RHBDD1: variants seen among roughly 807,000 people sequenced by gnomAD.
RHBDD1 encodes rhomboid-related protein 4.
RHBDD1 carries 38 observed loss-of-function variants against 36.3 expected under a neutral mutation model. The ratio of observed to expected loss-of-function variants is 1.05; its 90% confidence interval spans 0.81 to 1.37. The LOEUF is 1.37. Among genes scored for constraint, RHBDD1 ranks in the 40% most tolerant of loss-of-function variants. The pLI is 0.00. For missense variants in RHBDD1, 393 were observed against 377.6 expected (o/e 1.04, Z -0.34); for synonymous variants, 151 against 136.5 (o/e 1.11, Z -0.74).
intron 5 of RHBDD1, among the ~76,000 whole-genome samples, chr2:226,899,238 G>A (rs754643406): frequency 3.3e-5 from 5 of 152,160 alleles, no homozygotes; most frequent in Non-Finnish European, 7.3e-5. Context: ...CTGTCTGTTG[G>A]TGTTAATAAT....
At chr2:226,924,267 A>T (rs1162368559) in intron 8 of RHBDD1, among the ~76,000 whole-genome samples, 1 of 152,114 alleles carries the variant, frequency 6.6e-6, no homozygotes, top group African/African-American at 2.4e-5. Context: ...TTCAAGGCAG[A>T]AGGTTTTCTT....
chr2:226,922,390 G>A (rs1358470914), intron 8 of RHBDD1, among the ~76,000 whole-genome samples: 8 of 151,508 alleles, frequency 5.3e-5, no homozygotes, highest in Non-Finnish European at 8.8e-5. Flanking sequence ...TGTATTTTTA[G>A]TAGAGACGGG....
At chr2:226,826,955 TA>T in the RHBDD1 span, among the ~76,000 whole-genome samples, 1 of 152,130 alleles carries the variant, frequency 6.6e-6, no homozygotes, top group Non-Finnish European at 1.5e-5. Flanking sequence ...AGATTACATT[TA>T]AAAAATTTTT....
intron 8 of RHBDD1, among the ~76,000 whole-genome samples, chr2:226,954,570 T>A (rs917205884): frequency 2.6e-5 from 4 of 152,110 alleles, no homozygotes; most frequent in African/African-American, 9.7e-5. Context: ...GTATTAAATA[T>A]CATTGCCCAC....
intron 5 of RHBDD1, among the ~76,000 whole-genome samples, chr2:226,905,479 C>T (rs1647203771): frequency 6.6e-6 from 1 of 152,108 alleles, no homozygotes; most frequent in Admixed American, 6.5e-5. Flanking sequence ...GATGAGGTCT[C>T]CACCCTCTGA....
At chr2:226,940,903 C>T (rs1950618917) in intron 8 of RHBDD1, among the ~76,000 whole-genome samples, 1 of 151,822 alleles carries the variant, frequency 6.6e-6, no homozygotes, top group South Asian at 2.1e-4. Flanking sequence ...GCCTGGGAGT[C>T]AGAACCTCTC....
chr2:226,864,443 A>G (rs1390290395), intron 3 of RHBDD1, among the ~76,000 whole-genome samples, 161 bp from the exon 4 acceptor site: 1 of 152,246 alleles, frequency 6.6e-6, no homozygotes, highest in Non-Finnish European at 1.5e-5. Flanking sequence ...GAAGGGTGTC[A>G]GTCAGCATCC....
chr2:226,916,004 T>G (rs1346602390), intron 8 of RHBDD1, among the ~76,000 whole-genome samples: 1 of 152,224 alleles, frequency 6.6e-6, no homozygotes, highest in Admixed American at 6.5e-5. Flanking sequence ...CATGCCTGCC[T>G]GACTAATGGT....
intron 2 of RHBDD1, among the ~76,000 whole-genome samples, chr2:226,838,749 C>CA (rs1463392903): frequency 6.6e-6 from 1 of 152,042 alleles, no homozygotes; most frequent in Non-Finnish European, 1.5e-5. Flanking sequence ...GAAATGGAGT[C>CA]AAAGCTTTCA....
chr2:226,838,594 C>T (rs1941268082), intron 2 of RHBDD1, among the ~76,000 whole-genome samples: 1 of 152,138 alleles, frequency 6.6e-6, no homozygotes, highest in South Asian at 2.1e-4. Context: ...CACAGAGGCT[C>T]AGTAAATGTT....
At chr2:226,881,679 C>T (rs1315516303) in intron 5 of RHBDD1, among the ~76,000 whole-genome samples, 5 of 152,072 alleles carry the variant, frequency 3.3e-5, no homozygotes, top group African/African-American at 9.7e-5. Context: ...TATGTTTATT[C>T]TAGTTGATAG....
the RHBDD1 span, among the ~76,000 whole-genome samples, chr2:226,826,517 A>ATTTT: frequency 2.3e-4 from 28 of 122,050 alleles, no homozygotes; most frequent in Non-Finnish European, 3.2e-4. Context: ...ATCATGATAG[A>ATTTT]TTTTTTTTTT....
the RHBDD1 span, among the ~76,000 whole-genome samples, chr2:226,801,525 C>T: frequency 5.3e-5 from 8 of 152,210 alleles, no homozygotes; most frequent in Non-Finnish European, 7.3e-5. Context: ...CTCCTCTCCC[C>T]TTCCTGTTCC....
At chr2:226,801,194 GT>G in the RHBDD1 span, among the ~76,000 whole-genome samples, 62 of 152,208 alleles carry the variant, frequency 4.1e-4, no homozygotes, top group Non-Finnish European at 3.4e-4. Flanking sequence ...GGCATGCTCA[GT>G]GGCTGGGACC....
intron 5 of RHBDD1, among the ~76,000 whole-genome samples, chr2:226,870,744 C>G (rs1352092356): frequency 6.6e-6 from 1 of 152,088 alleles, no homozygotes; most frequent in African/African-American, 2.4e-5. Context: ...TGTATTGTTA[C>G]AGTAAGCTAG....
intron 5 of RHBDD1, among the ~76,000 whole-genome samples, chr2:226,869,656 A>G (rs1369104186): frequency 6.6e-6 from 1 of 152,202 alleles, no homozygotes; most frequent in African/African-American, 2.4e-5. Flanking sequence ...TATGAAGGAA[A>G]GCCACCCCAA....
chr2:226,883,252 A>G (rs2125414063), intron 5 of RHBDD1, among the ~76,000 whole-genome samples: 1 of 152,362 alleles, frequency 6.6e-6, no homozygotes, highest in East Asian at 1.9e-4. Flanking sequence ...GTGATTTCTA[A>G]GCAAGTTTTA....
intron 3 of RHBDD1, among the ~76,000 whole-genome samples, chr2:226,843,259 A>C (rs1020263280): frequency 2.0e-5 from 3 of 152,064 alleles, no homozygotes; most frequent in Non-Finnish European, 4.4e-5. Flanking sequence ...AATACACTTT[A>C]TTTCTTTCTC....
intron 5 of RHBDD1, among the ~76,000 whole-genome samples, chr2:226,901,595 T>A (rs1254623813): frequency 1.3e-5 from 2 of 152,318 alleles, no homozygotes; most frequent in Admixed American, 6.5e-5. Flanking sequence ...AGGTGATATC[T>A]CATTGTGGTT....
Sources: gnomAD v4.1 joint callset for allele counts (sites outside exome capture counted in the v4.1 genomes callset) on GRCh38, gnomAD v4.1.1 for gene constraint, MANE v1.5 for transcripts, NCBI Gene and HGNC (gene_info 2026-07-23, HGNC 2026-07-21) for gene names.